The following PMS1 variants were observed in gnomAD, a reference collection of about 807,000 sequenced individuals.
PMS1 encodes PMS1 protein homolog 1.
In PMS1, 79 loss-of-function variants were observed where a neutral mutation model predicts 93.1. The observed-to-expected ratio is 0.85, with a 90% CI of 0.71 to 1.02. The LOEUF is 1.02. Ranked by LOEUF, PMS1 falls within the 50% of genes least tolerant of loss-of-function variation. PMS1 has a pLI of 0.00. For synonymous variants in PMS1, 335 were observed against 363.4 expected (o/e 0.92, Z 0.89); for missense variants, 1,064 against 1,085.3 (o/e 0.98, Z 0.28).
chr2:189,795,719 T>C, intron 2 of PMS1, 50 bp from the exon 3 acceptor site: 4 of 1,385,848 alleles, frequency 2.9e-6, no homozygotes, highest in Admixed American at 1.7e-5. Flanking sequence ...CTAAGTGTGA[T>C]AACAGTTTAA....
intron 5 of PMS1, among the ~76,000 whole-genome samples, chr2:189,834,322 A>C (rs189617532): frequency 5.5e-4 from 84 of 152,314 alleles, no homozygotes; most frequent in Non-Finnish European, 2.8e-4. Flanking sequence ...CTAAGAAATG[A>C]GATGAGGCTA....
In PMS1 at chr2:189,863,765, G is replaced by C. The variant is rs765418665; in HGVS notation, c.1879G>C (p.Asp627His). 5 of 1,600,008 alleles carry C rather than the reference G, an allele frequency of 3.1e-6. No homozygotes were observed. Among genetic ancestry groups the C allele is most frequent in the Non-Finnish European group, 4.3e-6 (5 of 1,167,386 alleles). The part of the protein sequence containing the change: ...KLKYEEKATK[D>H]LERYNSQMKR... ...TAGATATGAAGAGAAGGCTACTAAA[G>C]ACTTGGAACGATACAATAGTCAAAT... The change falls in exon 10 of 13, where the codon GAC becomes CAC. Residue 627 changes from aspartate (D) to histidine (H), a missense_variant. Asp to His is a moderately conservative substitution (Grantham distance 81, BLOSUM62 -1). Coordinates refer to ENST00000441310, the MANE Select transcript of PMS1 (RefSeq NM_000534.5).
At chr2:189,802,291 G>A (rs1440414692) in intron 3 of PMS1, among the ~76,000 whole-genome samples, 3 of 152,104 alleles carry the variant, frequency 2.0e-5, no homozygotes, top group Non-Finnish European at 2.9e-5. Context: ...CTGTTGACCG[G>A]AAGATAACAT....
chr2:189,801,736 ATT>A (rs199513420), intron 3 of PMS1, among the ~76,000 whole-genome samples: 1 of 148,722 alleles, frequency 6.7e-6, no homozygotes, highest in African/African-American at 2.4e-5. Context: ...TTTTCTGAGA[ATT>A]TTTTTTTTTT....
Position 189,877,304 on chromosome 2 carries a change from C to G in PMS1, c.2667C>G (p.Pro889=). The G allele has an allele frequency of 1.2e-6, 2 of 1,613,520 alleles. No individual in the cohort carries two copies. The highest frequency in any genetic ancestry group is 1.7e-6 in the Non-Finnish European group (2 of 1,179,436). ...CAGTGCGTCTATCCAGACAATTACC[C>G]ATGTACTTATCAAAAGAGGACATCC... The part of the protein sequence containing the change: ...GEAVRLSRQL[P]MYLSKEDIQD... The change falls in exon 13 of 13, where the codon CCC becomes CCG. Residue 889 remains proline, a synonymous_variant. Coordinates refer to ENST00000441310, the MANE Select transcript of PMS1 (RefSeq NM_000534.5).
intron 9 of PMS1, among the ~76,000 whole-genome samples, chr2:189,862,181 G>A (rs987712552): frequency 2.0e-5 from 3 of 151,896 alleles, no homozygotes; most frequent in Non-Finnish European, 4.4e-5. Flanking sequence ...TCACTTTTCT[G>A]TAAAAACAAC....
At chr2:189,806,635 G>A (rs1010951127) in intron 4 of PMS1, 8 of 201,620 alleles carry the variant, frequency 4.0e-5, no homozygotes, top group Non-Finnish European at 6.1e-5. Flanking sequence ...GAGCCCAAGC[G>A]ATACACCTGC....
intron 10 of PMS1, among the ~76,000 whole-genome samples, chr2:189,866,618 G>T (rs1390407186): frequency 3.3e-5 from 5 of 152,126 alleles, no homozygotes; most frequent in Admixed American, 2.0e-4. Context: ...TAAAGTAAGG[G>T]CTCAATAACA....
chr2:189,791,094 G>A (rs1246327002), intron 1 of PMS1, among the ~76,000 whole-genome samples: 1 of 151,528 alleles, frequency 6.6e-6, no homozygotes, highest in Admixed American at 6.6e-5. Flanking sequence ...TTAGGTGCTT[G>A]TGGCAGAATA....
At chr2:189,850,325 G>T (rs1339818123) in intron 6 of PMS1, among the ~76,000 whole-genome samples, 1 of 152,094 alleles carries the variant, frequency 6.6e-6, no homozygotes, top group Admixed American at 6.6e-5. Context: ...TATAATCAGG[G>T]TTAAGAAGAG....
chr2:189,822,243 C>A (rs1445264448), intron 5 of PMS1, among the ~76,000 whole-genome samples: 1 of 152,176 alleles, frequency 6.6e-6, no homozygotes, highest in Admixed American at 6.5e-5. Context: ...GAGTCCGATG[C>A]GCCTGGGTAG....
chr2:189,834,963 A>C (rs1209996069), intron 5 of PMS1, among the ~76,000 whole-genome samples: 1 of 152,142 alleles, frequency 6.6e-6, no homozygotes, highest in African/African-American at 2.4e-5. Flanking sequence ...CTCCTGCCTC[A>C]GCCTCCCAAA....
chr2:189,844,096 A>G lies in PMS1; in HGVS notation c.699+16A>G, dbSNP rs200760844. On this transcript the variant is annotated intron_variant, in intron 6 of 12. Coordinates refer to ENST00000441310, the MANE Select transcript of PMS1 (RefSeq NM_000534.5). ...AGAATCTCAGGTATACTGCAAAAACATTCTCAGATAATTCTGATTTACTCA... is the reference window on the plus strand; with the variant it reads ...AGAATCTCAGGTATACTGCAAAAACGTTCTCAGATAATTCTGATTTACTCA... 26 of 1,612,974 alleles carry G rather than the reference A, an allele frequency of 1.6e-5. No individual in the cohort carries two copies. The African/African-American group carries it at 3.1e-4, about 19-fold the overall frequency.
chr2:189,845,561 T>G (rs2054184598), intron 6 of PMS1, among the ~76,000 whole-genome samples: 1 of 152,158 alleles, frequency 6.6e-6, no homozygotes, highest in Non-Finnish European at 1.5e-5. Context: ...ATCCAGTTCA[T>G]TACGTCTTTT....
Position 189,854,913 on chromosome 2 carries a change from CA to C in PMS1, c.1647del (p.Lys549AsnfsTer4), listed in dbSNP as rs774420632. On this transcript the variant is annotated frameshift_variant, in exon 9 of 13. Transcript: ENST00000441310. LOFTEE classifies it high-confidence loss of function. ...QMNLNEDSCN[K>X]KSNVIDNKSG... ...TGAATCTTAATGAAGATTCATGTAA[CA>C]AAAAATCAAATGTAATAGATAATAA... 1 of 1,602,406 alleles carries C rather than the reference CA, an allele frequency of 6.2e-7. No homozygotes were observed. Among genetic ancestry groups the C allele is most frequent in the Non-Finnish European group, 8.5e-7 (1 of 1,170,720 alleles).
intron 5 of PMS1, among the ~76,000 whole-genome samples, chr2:189,835,568 AAAT>A (rs925876924): frequency 5.9e-5 from 9 of 152,186 alleles, no homozygotes; most frequent in African/African-American, 2.2e-4. Flanking sequence ...ACGCAGGAGT[AAAT>A]AATAATAGAT....
chr2:189,819,562 A>G (rs1231745708), intron 5 of PMS1, among the ~76,000 whole-genome samples: 2 of 152,118 alleles, frequency 1.3e-5, no homozygotes, highest in Non-Finnish European at 2.9e-5. Context: ...CATCCTTTTA[A>G]TCATAGCCAT....
intron 7 of PMS1, among the ~76,000 whole-genome samples, chr2:189,853,380 G>C (rs771182033): frequency 4.6e-5 from 7 of 151,970 alleles, no homozygotes; most frequent in Non-Finnish European, 1.0e-4. Context: ...TAAGCCTTCA[G>C]AACTTCCATG....
At chr2:189,818,270 T>A in intron 5 of PMS1, 90 bp downstream of exon 5, 2 of 862,206 alleles carry the variant, frequency 2.3e-6, no homozygotes, top group Non-Finnish European at 3.7e-6. Context: ...GGGCTATGAC[T>A]AAATGTTTGT....
Sources: allele counts gnomAD v4.1 joint callset (sites outside exome capture counted in the v4.1 genomes callset), GRCh38; gene constraint gnomAD v4.1.1; transcripts MANE v1.5; gene names NCBI Gene and HGNC (gene_info 2026-07-23, HGNC 2026-07-21).